THOC1: variants seen among roughly 807,000 people sequenced by gnomAD.
THOC1 encodes the protein THO complex 1.
THOC1 carries 29 observed loss-of-function variants against 97.3 expected under a neutral mutation model. That is an observed-to-expected ratio of 0.30 (90% CI 0.22 to 0.41). The LOEUF (loss-of-function observed/expected upper bound fraction) is 0.41. THOC1 is among the 10% of genes least tolerant of loss of function. THOC1 has a pLI of 1.00. For missense variants in THOC1, 529 were observed against 761.9 expected, an observed-to-expected ratio of 0.69 and a Z score of 3.60; for synonymous variants, 255 against 257.0, an observed-to-expected ratio of 0.99 and a Z score of 0.07.
chr18:259,559 T>C, intron 6 of THOC1, 123 bp downstream of exon 6: 1 of 783,640 alleles, frequency 1.3e-6, no homozygotes, highest in Non-Finnish European at 2.1e-6. Flanking sequence ...ATCAGATTGT[T>C]AGTTAAAAAT....
intron 9 of THOC1, 77 bp from the exon 10 acceptor site, chr18:248,034 G>A: frequency 7.3e-6 from 7 of 959,950 alleles, no homozygotes; most frequent in South Asian, 3.6e-5. Context: ...ACTTAGCTTT[G>A]GTCACAAACC....
intron 14 of THOC1, 38 bp downstream of exon 14, chr18:225,051 C>T (rs7227515): frequency 0.13 from 202,261 of 1,564,922 alleles, 14,603 homozygotes; most frequent in African/African-American, 0.26. Context: ...AGTTCTATTT[C>T]GTGCTAAGAA....
Position 216,578 on chromosome 18 carries a change from T to G in THOC1, c.1510A>C (p.Ser504Arg). Residue 504 changes from serine (S) to arginine (R), a missense_variant, in exon 19 of 21, where the codon AGC becomes CGC. Transcript: ENST00000261600. ...WRALRLLARR[S>R]PHFFQPTNQQ... ...TTGGTTGGCTGGAAGAAGTGAGGGC[T>G]TCTCCGTGCTAATAGTCTCAGGGCT... 6.2e-7 allele frequency: 1 copy of G among 1,614,000 alleles called. No individual in the cohort carries two copies. The highest frequency in any genetic ancestry group is 8.5e-7 in the Non-Finnish European group (1 of 1,179,888).
chr18:240,949 C>T (rs1301574346), intron 11 of THOC1, among the ~76,000 whole-genome samples: 1 of 152,130 alleles, frequency 6.6e-6, no homozygotes, highest in Non-Finnish European at 1.5e-5. Flanking sequence ...CAACCTAGAT[C>T]CCTCATGATC....
At chr18:235,606 G>GA (rs1914512674) in intron 11 of THOC1, among the ~76,000 whole-genome samples, 1 of 152,024 alleles carries the variant, frequency 6.6e-6, no homozygotes, top group African/African-American at 2.4e-5. Flanking sequence ...TAACTCCTGG[G>GA]AAATGCATTT....
At chr18:265,598 T>C in intron 1 of THOC1, 68 bp from the exon 2 acceptor site, 1 of 1,264,936 alleles carries the variant, frequency 7.9e-7, no homozygotes, top group Non-Finnish European at 1.1e-6. Flanking sequence ...AAATATATCG[T>C]TCATTGATAG....
chr18:216,442 A>AGAT, intron 19 of THOC1, 44 bp downstream of exon 19: 12 of 1,578,684 alleles, frequency 7.6e-6, no homozygotes, highest in Non-Finnish European at 1.0e-5. Context: ...ATTTTAAAGA[A>AGAT]GATGTCAACT....
intron 16 of THOC1, 114 bp downstream of exon 16, chr18:223,968 CTA>C: frequency 7.8e-6 from 6 of 774,138 alleles, no homozygotes; most frequent in Non-Finnish European, 1.3e-5. Context: ...CTTTGGCTAT[CTA>C]TGTGTGTACC....
At chr18:226,941 TTAAAATCA>T in intron 11 of THOC1, 40 bp from the exon 12 acceptor site, 1 of 1,487,354 alleles carries the variant, frequency 6.7e-7, no homozygotes, top group Non-Finnish European at 9.2e-7. Context: ...AAACAACACA[TTAAAATCA>T]AGTTTTTCCT....
intron 11 of THOC1, among the ~76,000 whole-genome samples, chr18:238,156 G>A (rs1019113322): frequency 6.6e-6 from 1 of 152,074 alleles, no homozygotes; most frequent in Non-Finnish European, 1.5e-5. Context: ...GTGAGCCACT[G>A]CACCCAGCTC....
intron 17 of THOC1, among the ~76,000 whole-genome samples, chr18:221,632 G>A (rs1266433879): frequency 1.2e-4 from 14 of 120,710 alleles, no homozygotes; most frequent in Non-Finnish European, 1.3e-4. Flanking sequence ...TTTTTGAGAC[G>A]GAGTCTCGCT....
chr18:246,531 T>C, intron 10 of THOC1, 76 bp from the exon 11 acceptor site: 3 of 1,250,324 alleles, frequency 2.4e-6, no homozygotes, highest in Admixed American at 4.6e-5. Context: ...TCAAAATGCC[T>C]AGAATTTACT....
At chr18:250,274 A>C (rs1197610091) in intron 9 of THOC1, among the ~76,000 whole-genome samples, 3 of 152,190 alleles carry the variant, frequency 2.0e-5, no homozygotes, top group Non-Finnish European at 4.4e-5. Context: ...GCTGAATAAA[A>C]TTCTTCAAAG....
intron 11 of THOC1, among the ~76,000 whole-genome samples, chr18:243,093 T>G (rs1442323354): frequency 1.3e-5 from 2 of 152,194 alleles, no homozygotes; most frequent in East Asian, 3.8e-4. Context: ...TGCAAAACAT[T>G]ACATGCCTCA....
chr18:250,588 T>A (rs535310278), intron 9 of THOC1, among the ~76,000 whole-genome samples: 2 of 152,238 alleles, frequency 1.3e-5, no homozygotes, highest in African/African-American at 4.8e-5. Flanking sequence ...CAAAAATGTT[T>A]ACTGGTGTAT....
chr18:242,443 A>AG lies in THOC1; in HGVS notation c.918+3880_918+3881insC, dbSNP rs1491299645. Reference sequence around the variant, plus strand: ...CAGTGGGCCAAAAAAAAAGTGTCTCAAAAAAAAAAAAAAAGTTTGTATCAT... The same window carrying AG: ...CAGTGGGCCAAAAAAAAAGTGTCTCAGAAAAAAAAAAAAAAGTTTGTATCAT... On this transcript the variant is annotated intron_variant, in intron 11 of 20. Transcript: ENST00000261600. The surrounding 1 kb of genome is among the most constrained non-coding windows in gnomAD (Gnocchi z 4.5). Among the ~76,000 whole-genome samples, 2 of 50,458 alleles carry AG rather than the reference A, an allele frequency of 4.0e-5. No homozygotes were observed. Among genetic ancestry groups the AG allele is most frequent in the African/African-American group, 8.7e-5 (2 of 22,864 alleles). 33.1% of individuals were successfully genotyped at this position (50,458 alleles called of 152,430 possible).
intron 18 of THOC1, 83 bp downstream of exon 18, chr18:218,801 TAA>T: frequency 8.8e-7 from 1 of 1,137,372 alleles, no homozygotes. Flanking sequence ...CTGCCTCTCT[TAA>T]GAGGCTTTCT....
chr18:214,643 T>C lies in THOC1; in HGVS notation c.1957A>G (p.Asn653Asp), dbSNP rs657541. 6.2e-7 allele frequency: 1 copy of C among 1,611,518 alleles called. No homozygotes were observed. The highest frequency in any genetic ancestry group is 8.5e-7 in the Non-Finnish European group (1 of 1,178,682). Residue 653 changes from asparagine to aspartate, a missense_variant, in exon 21 of 21, where the codon AAT becomes GAT. This residue lies in a region of THOC1 where 98 missense variants were observed against 111.9 expected (regional missense o/e 0.88). Coordinates refer to ENST00000261600, the MANE Select transcript of THOC1 (RefSeq NM_005131.3). ...AAAAGAAGCTAACTATTTGTCTCAT[T>C]GTCATTAGTTAGACTTTCTGCAAGG... ...SDLAESLTND[N>D]ETNS
chr18:235,506 A>T (rs1911649870), intron 11 of THOC1, among the ~76,000 whole-genome samples: 1 of 152,004 alleles, frequency 6.6e-6, no homozygotes, highest in Non-Finnish European at 1.5e-5. Flanking sequence ...TTTATTTGCA[A>T]CCCACACTTC....
Sources: gnomAD v4.1 joint callset for allele counts (sites outside exome capture counted in the v4.1 genomes callset) on GRCh38, gnomAD v4.1.1 for gene constraint, gnomAD v4.1.1 regional missense constraint, Gnocchi (gnomAD v3.1) non-coding constraint, MANE v1.5 for transcripts, NCBI Gene and HGNC (gene_info 2026-07-23, HGNC 2026-07-21) for gene names.